CCNJ: variants seen among roughly 807,000 people sequenced by gnomAD.
CCNJ encodes cyclin J, also known as cyclin-J.
A neutral mutation model predicts 41.4 loss-of-function variants in CCNJ; 12 were observed. That is an observed-to-expected ratio of 0.29 (90% CI 0.19 to 0.47). The LOEUF is 0.47. Among genes scored for constraint, CCNJ ranks in the 20% least tolerant of loss-of-function variants. CCNJ has a pLI of 1.00. For missense variants in CCNJ, 340 were observed against 464.6 expected (o/e 0.73, Z 2.47); for synonymous variants, 161 against 173.4 (o/e 0.93, Z 0.56).
chr10:96,043,791 G>A, intron 1 of CCNJ, 72 bp downstream of exon 1: 1 of 386,188 alleles, frequency 2.6e-6, no homozygotes, highest in Non-Finnish European at 4.6e-6. Flanking sequence ...ACCCTCCCGG[G>A]GTGAGGCGCA....
chr10:96,056,509 TG>T (rs1048804720), intron 3 of CCNJ, among the ~76,000 whole-genome samples, 191 bp from the exon 4 acceptor site: 2 of 152,032 alleles, frequency 1.3e-5, no homozygotes, highest in African/African-American at 4.8e-5. Context: ...TTTAGGGGAT[TG>T]GGGAAAGGTT....
chr10:96,044,057 C>T (rs539388344), intron 1 of CCNJ, among the ~76,000 whole-genome samples: 24 of 152,342 alleles, frequency 1.6e-4, no homozygotes, highest in African/African-American at 5.5e-4. Flanking sequence ...CCTCCCCCAG[C>T]TCTTCCCGAG....
chr10:96,043,750 CGGCAGGCCTGG>C (rs990002010), intron 1 of CCNJ, 31 bp downstream of exon 1: 3 of 388,800 alleles, frequency 7.7e-6, no homozygotes, highest in African/African-American at 6.2e-5. Context: ...CCGGGCGGCC[CGGCAGGCCTGG>C]GGTAGGCGTG....
Position 96,058,246 on chromosome 10 carries a change from T to C in CCNJ, c.*5T>C, listed in dbSNP as rs2142073638. ...ACTCCATGTTTTGAAAGGTGATTAT[T>C]TGTGAAGCTGATAACCGACCCAGAC... is the stretch of plus-strand genomic sequence containing the variant. On this transcript the variant is annotated 3_prime_UTR_variant, in exon 6 of 6. Coordinates refer to ENST00000465148, the MANE Select transcript of CCNJ (RefSeq NM_001134375.2). 2 of 1,606,912 alleles carry C rather than the reference T, an allele frequency of 1.2e-6. No individual in the cohort carries two copies. Among genetic ancestry groups the C allele is most frequent in the Non-Finnish European group, 1.7e-6 (2 of 1,174,968 alleles).
Position 96,058,611 on chromosome 10 carries a change from A to C in CCNJ, c.*370A>C. Reference sequence around the variant, plus strand: ...ATGTTGGCTTCTAAGTCAAAGACTAAATGTTTATCTCATCTATGGACTTGC... The same window carrying C: ...ATGTTGGCTTCTAAGTCAAAGACTACATGTTTATCTCATCTATGGACTTGC... On this transcript the variant is annotated 3_prime_UTR_variant, in exon 6 of 6. Transcript: ENST00000465148. The C allele has an allele frequency of 2.4e-6, 1 of 411,406 alleles. No homozygotes were observed. Among genetic ancestry groups the C allele is most frequent in the Non-Finnish European group, 4.3e-6 (1 of 232,924 alleles). The allele number at this position is 411,406 out of a possible 1,614,324, so 25.5% of individuals were successfully genotyped here. A position where few individuals can be genotyped will look rare whatever the true frequency, so the allele number is the denominator to read the frequency against.
At chr10:96,044,018 A>C (rs537530218) in intron 1 of CCNJ, among the ~76,000 whole-genome samples, 1 of 152,248 alleles carries the variant, frequency 6.6e-6, no homozygotes, top group Non-Finnish European at 1.5e-5. Context: ...GGAGAACTCC[A>C]GCCCCGGACG....
rs1192941725 is a variant in CCNJ at position 96,058,684 on chromosome 10, GTTT to G, written c.*449_*451del. On this transcript the variant is annotated 3_prime_UTR_variant, in exon 6 of 6. Coordinates refer to ENST00000465148, the MANE Select transcript of CCNJ (RefSeq NM_001134375.2). ...AGTTACAGTATTAATTTTTGAAAAG[GTTT>G]TTTTTATTCTGCAATTTTTTATTTT... The G allele has an allele frequency of 5.0e-6, 2 of 396,550 alleles. No individual in the cohort carries two copies. The highest frequency in any genetic ancestry group is 4.1e-5 in the African/African-American group (2 of 48,434). The allele number at this position is 396,550 out of a possible 1,614,324, so 24.6% of individuals were successfully genotyped here.
intron 2 of CCNJ, among the ~76,000 whole-genome samples, chr10:96,046,670 C>T (rs1254960754): frequency 6.6e-6 from 1 of 152,108 alleles, no homozygotes; most frequent in African/African-American, 2.4e-5. Flanking sequence ...TATGTTTAGG[C>T]CCTAGGTTTG....
At chr10:96,053,270 A>G (rs2142054341) in intron 3 of CCNJ, among the ~76,000 whole-genome samples, 1 of 151,982 alleles carries the variant, frequency 6.6e-6, no homozygotes, top group Non-Finnish European at 1.5e-5. Context: ...TCTCATCAGC[A>G]ATATGAATTT....
In CCNJ at chr10:96,058,261, C is replaced by T; in HGVS notation, c.*20C>T. On this transcript the variant is annotated 3_prime_UTR_variant, in exon 6 of 6. Coordinates refer to ENST00000465148, the MANE Select transcript of CCNJ (RefSeq NM_001134375.2). The stretch of plus-strand genomic sequence containing the variant: ...AGGTGATTATTTGTGAAGCTGATAA[C>T]CGACCCAGACTGCTTTGTGACATGA... The T allele has an allele frequency of 8.2e-6, 13 of 1,594,956 alleles. No individual in the cohort carries two copies. Among genetic ancestry groups the T allele is most frequent in the South Asian group, 2.3e-5 (2 of 88,326 alleles).
intron 3 of CCNJ, among the ~76,000 whole-genome samples, chr10:96,052,833 T>C (rs1444921081): frequency 6.6e-6 from 1 of 152,100 alleles, no homozygotes; most frequent in Non-Finnish European, 1.5e-5. Flanking sequence ...CATTGGAGAG[T>C]AGGAATGTAT....
At chr10:96,052,329 ATGTT>A (rs1365274940) in intron 3 of CCNJ, among the ~76,000 whole-genome samples, 1 of 152,212 alleles carries the variant, frequency 6.6e-6, no homozygotes, top group East Asian at 1.9e-4. Context: ...ATTGTACAGA[ATGTT>A]TATTATAGAA....
chr10:96,055,636 A>G (rs1309077683), intron 3 of CCNJ, among the ~76,000 whole-genome samples: 1 of 152,260 alleles, frequency 6.6e-6, no homozygotes. Context: ...GGCTGGAAAG[A>G]GAATCTTATT....
intron 2 of CCNJ, among the ~76,000 whole-genome samples, chr10:96,045,175 CTG>C (rs2080328841): frequency 6.6e-6 from 1 of 152,168 alleles, no homozygotes; most frequent in African/African-American, 2.4e-5. Context: ...AAAGCAAAGT[CTG>C]TGTATTGTTG....
chr10:96,051,167 T>G (rs1259495081), intron 3 of CCNJ, among the ~76,000 whole-genome samples: 1 of 152,256 alleles, frequency 6.6e-6, no homozygotes, highest in Non-Finnish European at 1.5e-5. Flanking sequence ...AACTGTGTAG[T>G]AGGCTCCAAG....
chr10:96,043,795 A>G, intron 1 of CCNJ, 76 bp downstream of exon 1: 1 of 384,838 alleles, frequency 2.6e-6, no homozygotes, highest in Non-Finnish European at 4.6e-6. Flanking sequence ...TCCCGGGGTG[A>G]GGCGCAGAGC....
rs191191811 is a variant in CCNJ at position 96,050,496 on chromosome 10, A to T, written c.280+30A>T. The T allele has an allele frequency of 7.7e-5, 114 of 1,489,792 alleles. No individual in the cohort carries two copies. In the African/African-American group the frequency reaches 1.1e-3, roughly 14 times the overall value. 92.3% of individuals were successfully genotyped at this position (1,489,792 alleles called of 1,614,324 possible). A position where few individuals can be genotyped will look rare whatever the true frequency, so the allele number is the denominator to read the frequency against. On this transcript the variant is annotated intron_variant, in intron 3 of 5. Coordinates refer to ENST00000465148, the MANE Select transcript of CCNJ (RefSeq NM_001134375.2). ...GTATGAATCTGATTTACATGACTGGAAATTTCTGATGTTTATATAATAAAA... is the reference window on the plus strand; with the variant it reads ...GTATGAATCTGATTTACATGACTGGTAATTTCTGATGTTTATATAATAAAA...
intron 3 of CCNJ, among the ~76,000 whole-genome samples, chr10:96,052,509 G>C (rs1010303038): frequency 2.0e-5 from 3 of 152,142 alleles, no homozygotes; most frequent in African/African-American, 7.2e-5. Flanking sequence ...CAAGTGGGAA[G>C]GCCATCTTTG....
intron 5 of CCNJ, among the ~76,000 whole-genome samples, 184 bp downstream of exon 5, chr10:96,057,431 A>C (rs1179089849): frequency 1.3e-5 from 2 of 152,180 alleles, no homozygotes; most frequent in African/African-American, 4.8e-5. Flanking sequence ...CATTGTTAGA[A>C]TAATTCTGGG....
Sources: allele counts gnomAD v4.1 joint callset (sites outside exome capture counted in the v4.1 genomes callset), GRCh38; gene constraint gnomAD v4.1.1; transcripts MANE v1.5; gene names NCBI Gene and HGNC (gene_info 2026-07-23, HGNC 2026-07-21).